SERINC5: variants seen among roughly 807,000 people sequenced by gnomAD.
The protein encoded by SERINC5 is chromosome 5 open reading frame 12.
Under a neutral mutation model 63.1 loss-of-function variants are expected in SERINC5, and 41 were observed. That is an observed-to-expected ratio of 0.65 (90% CI 0.51 to 0.84). The LOEUF (loss-of-function observed/expected upper bound fraction) is 0.84, where lower values mean the gene tolerates loss of function less well. SERINC5 is among the 40% of genes least tolerant of loss of function. The pLI is 0.00. For synonymous variants in SERINC5, 222 were observed against 215.2 expected, an observed-to-expected ratio of 1.03 and a Z score of -0.28; for missense variants, 523 against 573.0, an observed-to-expected ratio of 0.91 and a Z score of 0.89.
rs545320275 is a variant in SERINC5 at position 80,142,311 on chromosome 5, G to A, written c.*1352C>T. On this transcript the variant is annotated 3_prime_UTR_variant, in exon 12 of 12. Coordinates refer to ENST00000507668, the MANE Select transcript of SERINC5 (RefSeq NM_001174072.3). ...CTGTGCAGCGTGATCTCGGCTCACT[G>A]CAACCTCCGCCTCCCGGGTTCAAGT... is the stretch of plus-strand genomic sequence containing the variant. The A allele has an allele frequency of 1.2e-4, 121 of 979,472 alleles. No individual in the cohort carries two copies. Among genetic ancestry groups the A allele is most frequent in the Admixed American group, 3.1e-4 (5 of 16,246 alleles). The allele number at this position is 979,472 out of a possible 1,614,324, so 60.7% of individuals were successfully genotyped here.
Position 80,143,178 on chromosome 5 carries a change from C to A in SERINC5, c.*485G>T. On this transcript the variant is annotated 3_prime_UTR_variant, in exon 12 of 12. Coordinates refer to ENST00000507668, the MANE Select transcript of SERINC5 (RefSeq NM_001174072.3). ...GACCCTATAAATACCAGGGGCCCTG[C>A]AGGCTGAGTCCTGTCCTCAAAGCCC... 1.0e-6 allele frequency: 1 copy of A among 986,482 alleles called. No individual in the cohort carries two copies. Among genetic ancestry groups the A allele is most frequent in the Non-Finnish European group, 1.2e-6 (1 of 830,750 alleles). 61.1% of individuals were successfully genotyped at this position (986,482 alleles called of 1,614,324 possible).
In SERINC5 at chr5:80,139,611, A is replaced by AGAG. The variant is rs1745382833; in HGVS notation, c.*4051_*4052insCTC. ...GAAAGAAGAAAAGAGAGAGAGAGAG[A>AGAG]AAGGTCTAAACATCTGTGTGAACAG... On this transcript the variant is annotated 3_prime_UTR_variant, in exon 12 of 12. Transcript: ENST00000507668. The AGAG allele has an allele frequency of 8.4e-5, 83 of 984,820 alleles. No homozygotes were observed. The highest frequency in any genetic ancestry group is 9.3e-5 in the Non-Finnish European group (77 of 829,682). The allele number at this position is 984,820 out of a possible 1,614,324, so 61.0% of individuals were successfully genotyped here.
intron 1 of SERINC5, among the ~76,000 whole-genome samples, chr5:80,224,456 G>T (rs1751074790): frequency 6.6e-6 from 1 of 151,998 alleles, no homozygotes; most frequent in Admixed American, 6.6e-5. Context: ...CAGCCTGGGT[G>T]ACAGAGCAAG....
At chr5:80,137,275 C>T (rs1288312147), downstream of SERINC5, among the ~76,000 whole-genome samples, 1 of 151,802 alleles carries the variant, frequency 6.6e-6, no homozygotes, top group Non-Finnish European at 1.5e-5. Context: ...GATATCCATA[C>T]CCCTATGTTC....
chr5:80,133,575 G>A (rs1745034783), intron 11 of SERINC5, among the ~76,000 whole-genome samples: 1 of 152,016 alleles, frequency 6.6e-6, no homozygotes, highest in Admixed American at 6.6e-5. Flanking sequence ...GAATATAGAG[G>A]GCCCAAGACT....
chr5:80,171,957 C>A (rs1417500318), intron 5 of SERINC5, among the ~76,000 whole-genome samples: 1 of 151,986 alleles, frequency 6.6e-6, no homozygotes, highest in Non-Finnish European at 1.5e-5. Flanking sequence ...TAGCCAACTA[C>A]CTTGATTTGA....
In SERINC5 at chr5:80,158,909, C is replaced by T. The variant is rs973395081; in HGVS notation, c.913G>A (p.Asp305Asn). The T allele has an allele frequency of 3.1e-6, 5 of 1,613,758 alleles. No homozygotes were observed. Among genetic ancestry groups the T allele is most frequent in the Admixed American group, 3.3e-5 (2 of 60,026 alleles). The change falls in exon 8 of 12, where the codon GAC (aspartate) becomes AAC (asparagine). Residue 305 changes from aspartate (D) to asparagine (N), a missense_variant. Physicochemically the swap from Asp to Asn is conservative, Grantham distance 23. Coordinates refer to ENST00000507668, the MANE Select transcript of SERINC5 (RefSeq NM_001174072.3). ...ACCAAGTTTTCATCTCTGTACAGGT[C>T]TTGACCAAAGTCAGGCACACAGATT... ...VTICVPDFGQ[D>N]LYRDENLVTI...
At chr5:80,211,268 AC>A (rs1364447837) in intron 1 of SERINC5, among the ~76,000 whole-genome samples, 1 of 152,192 alleles carries the variant, frequency 6.6e-6, no homozygotes, top group Non-Finnish European at 1.5e-5. Context: ...GCAGAATTTT[AC>A]AAAATCCCTT....
intron 11 of SERINC5, among the ~76,000 whole-genome samples, chr5:80,120,441 T>C (rs910550607): frequency 2.6e-5 from 4 of 152,168 alleles, no homozygotes; most frequent in African/African-American, 9.7e-5. Context: ...AAGCTATCCA[T>C]CAACTAGAAT....
intron 7 of SERINC5, among the ~76,000 whole-genome samples, chr5:80,160,905 G>T (rs573388979): frequency 2.0e-5 from 3 of 150,710 alleles, no homozygotes; most frequent in African/African-American, 4.9e-5. Flanking sequence ...CCATTGTGTG[G>T]AGATAGATAT....
intron 2 of SERINC5, among the ~76,000 whole-genome samples, chr5:80,189,067 G>A (rs1749015943): frequency 6.6e-6 from 1 of 152,042 alleles, no homozygotes; most frequent in African/African-American, 2.4e-5. Flanking sequence ...TCCTTATTAT[G>A]TGTATCTCTC....
intron 2 of SERINC5, among the ~76,000 whole-genome samples, chr5:80,190,607 C>A (rs1015146555): frequency 5.9e-5 from 9 of 152,176 alleles, no homozygotes; most frequent in Non-Finnish European, 1.2e-4. Flanking sequence ...AAAGAGCTAA[C>A]GTTCTACTAG....
intron 12 of SERINC5, among the ~76,000 whole-genome samples, chr5:80,113,056 G>A (rs759760303): frequency 3.9e-5 from 6 of 152,154 alleles, no homozygotes; most frequent in Non-Finnish European, 7.4e-5. Flanking sequence ...TGGGGCCATT[G>A]AAGTTGTTTA....
chr5:80,219,026 T>G (rs1258051394), intron 1 of SERINC5, among the ~76,000 whole-genome samples: 1 of 152,216 alleles, frequency 6.6e-6, no homozygotes, highest in African/African-American at 2.4e-5. Context: ...TAAAAGATGA[T>G]TATTTCAAGT....
At chr5:80,226,878 T>C (rs1329385996) in intron 1 of SERINC5, among the ~76,000 whole-genome samples, 3 of 152,162 alleles carry the variant, frequency 2.0e-5, no homozygotes, top group Non-Finnish European at 4.4e-5. Flanking sequence ...AGGATTATAA[T>C]TTAAATTTTT....
At chr5:80,157,302 TA>T (rs1746602532) in intron 8 of SERINC5, 1 of 148,510 alleles carries the variant, frequency 6.7e-6, no homozygotes. Flanking sequence ...CAAGGGCAAA[TA>T]TTTTTTTTCA....
At chr5:80,162,827 G>A (rs899923356) in intron 7 of SERINC5, among the ~76,000 whole-genome samples, 1 of 150,910 alleles carries the variant, frequency 6.6e-6, no homozygotes, top group Non-Finnish European at 1.5e-5. Flanking sequence ...GATTACTGGT[G>A]TATAGAAACA....
intron 7 of SERINC5, among the ~76,000 whole-genome samples, chr5:80,160,491 A>T (rs972655273): frequency 2.0e-5 from 3 of 152,214 alleles, no homozygotes; most frequent in African/African-American, 7.2e-5. Flanking sequence ...CTGAAGTGAG[A>T]CTAAAATTAT....
At chr5:80,146,258 G>A in intron 10 of SERINC5, 24 bp from the exon 11 acceptor site, 1 of 1,613,274 alleles carries the variant, frequency 6.2e-7, no homozygotes, top group South Asian at 1.1e-5. Flanking sequence ...AGGGAGCCCA[G>A]GCTCAATGAG....
Sources: gnomAD v4.1 joint callset for allele counts (sites outside exome capture counted in the v4.1 genomes callset) on GRCh38, gnomAD v4.1.1 for gene constraint, MANE v1.5 for transcripts, NCBI Gene and HGNC (gene_info 2026-07-23, HGNC 2026-07-21) for gene names.